The following PLA2G10 variants were observed in gnomAD, a reference collection of about 807,000 sequenced individuals.
The protein encoded by PLA2G10 is group 10 secretory phospholipase A2.
In PLA2G10, 9 loss-of-function variants were observed where a neutral mutation model predicts 7.9. The observed-to-expected ratio is 1.14, with a 90% CI of 0.68 to 1.98. PLA2G10 has a LOEUF of 1.98. Ranked by LOEUF, PLA2G10 falls within the 30% of genes most tolerant of loss-of-function variation. The probability of loss-of-function intolerance (pLI) is 0.00; values close to 1 mark genes in which losing one functional copy is unlikely to be tolerated. For missense variants in PLA2G10, 53 were observed against 65.4 expected (o/e 0.81, Z 0.66); for synonymous variants, 19 against 27.5 (o/e 0.69, Z 0.97).
chr16:14,678,729 C>T, intron 3 of PLA2G10: 1 of 401,096 alleles, frequency 2.5e-6, no homozygotes, highest in South Asian at 1.9e-5. Context: ...GAGATCACAC[C>T]ACTGCACTCC....
rs183951063 is a variant in PLA2G10 at position 14,680,308 on chromosome 16, G to A, written c.356-7559C>T. On this transcript the variant is annotated intron_variant, in intron 3 of 3. Coordinates refer to ENST00000438167, the MANE Select transcript of PLA2G10 (RefSeq NM_003561.3). The stretch of plus-strand genomic sequence containing the variant: ...AGAGACGGGGTTTCACCATGTTGGC[G>A]AGACTGATCTCGAACTCCTGACCTC... 5.9e-5 allele frequency among the ~76,000 whole-genome samples: 9 copies of A among 152,028 alleles called. No individual in the cohort carries two copies. The East Asian group carries it at 1.2e-3, about 20-fold the overall frequency.
At chr16:14,683,677 T>A (rs969301384) in intron 3 of PLA2G10, among the ~76,000 whole-genome samples, 1 of 152,150 alleles carries the variant, frequency 6.6e-6, no homozygotes, top group African/African-American at 2.4e-5. Flanking sequence ...TAACTCAAAA[T>A]GGATCAATGA....
intron 3 of PLA2G10, among the ~76,000 whole-genome samples, chr16:14,680,396 G>A (rs554566251): frequency 6.6e-6 from 1 of 151,086 alleles, no homozygotes; most frequent in Admixed American, 6.6e-5. Context: ...CACTGTGCCC[G>A]GCCTTTTTTG....
In PLA2G10 at chr16:14,685,989, C is replaced by CTT. The variant is rs147554543; in HGVS notation, c.355+2174_355+2175dup. ...CGCCCAGCCTCTTTTTTTCTTTACTCTTTTTTTTTTTTTTTTTTTTTGAGA... is the reference window on the plus strand; with the variant it reads ...CGCCCAGCCTCTTTTTTTCTTTACTCTTTTTTTTTTTTTTTTTTTTTTTGAGA... On this transcript the variant is annotated intron_variant, in intron 3 of 3. Transcript: ENST00000438167. Among the ~76,000 whole-genome samples the CTT allele has an allele frequency of 5.7e-3, 605 of 106,738 alleles. 12 individuals carry two copies. Among genetic ancestry groups the CTT allele is most frequent in the Non-Finnish European group, 7.9e-3 (428 of 53,928 alleles). 70.0% of individuals were successfully genotyped at this position (106,738 alleles called of 152,430 possible).
intron 3 of PLA2G10, among the ~76,000 whole-genome samples, chr16:14,677,556 C>A (rs748154050): frequency 6.6e-6 from 1 of 152,002 alleles, no homozygotes; most frequent in Non-Finnish European, 1.5e-5. Flanking sequence ...TAGTAGAGAC[C>A]GGGTTTTACC....
intron 3 of PLA2G10, among the ~76,000 whole-genome samples, chr16:14,674,698 TAA>T (rs535688681): frequency 7.1e-6 from 1 of 140,030 alleles, no homozygotes; most frequent in African/African-American, 2.6e-5. Context: ...AGACTCCATC[TAA>T]AAAAAAAAAG....
intron 3 of PLA2G10, among the ~76,000 whole-genome samples, chr16:14,675,699 G>A (rs1214991929): frequency 2.0e-5 from 3 of 152,018 alleles, no homozygotes; most frequent in African/African-American, 7.2e-5. Context: ...CCAGCACTTT[G>A]GGAGGCCAAG....
chr16:14,678,204 G>A (rs944867258), intron 3 of PLA2G10, among the ~76,000 whole-genome samples: 4 of 152,104 alleles, frequency 2.6e-5, no homozygotes, highest in African/African-American at 4.8e-5. Context: ...GGCTGTCCAA[G>A]GACAGAAGAG....
chr16:14,679,411 C>T (rs1431995408), intron 3 of PLA2G10, among the ~76,000 whole-genome samples: 3 of 151,984 alleles, frequency 2.0e-5, no homozygotes, highest in Admixed American at 6.6e-5. Context: ...CCTGTAATCT[C>T]GGCACTTTGG....
intron 3 of PLA2G10, among the ~76,000 whole-genome samples, chr16:14,682,024 G>A (rs780812569): frequency 1.3e-4 from 19 of 151,750 alleles, no homozygotes; most frequent in Non-Finnish European, 2.8e-4. Context: ...TGTAGAGATG[G>A]GGTCTCTCTA....
intron 3 of PLA2G10, among the ~76,000 whole-genome samples, chr16:14,680,284 G>C (rs896026169): frequency 2.0e-5 from 3 of 151,894 alleles, no homozygotes; most frequent in Non-Finnish European, 4.4e-5. Context: ...ATTTCTAGTA[G>C]AGACGGGGTT....
chr16:14,682,028 C>G (rs2151852149), intron 3 of PLA2G10, among the ~76,000 whole-genome samples: 1 of 152,032 alleles, frequency 6.6e-6, no homozygotes, highest in Non-Finnish European at 1.5e-5. Flanking sequence ...GAGATGGGGT[C>G]TCTCTATGCT....
intron 3 of PLA2G10, among the ~76,000 whole-genome samples, chr16:14,679,386 G>C (rs1960818453): frequency 6.6e-6 from 1 of 152,004 alleles, no homozygotes; most frequent in Non-Finnish European, 1.5e-5. Flanking sequence ...ATACAGGCCG[G>C]GCGTGGTGCT....
chr16:14,684,537 G>C (rs1413828097), intron 3 of PLA2G10, among the ~76,000 whole-genome samples: 1 of 151,816 alleles, frequency 6.6e-6, no homozygotes, highest in Non-Finnish European at 1.5e-5. Context: ...GTGGTGGCGG[G>C]CACCTGAAAT....
chr16:14,686,488 A>G (rs991165454), intron 3 of PLA2G10, among the ~76,000 whole-genome samples: 2 of 151,716 alleles, frequency 1.3e-5, no homozygotes, highest in East Asian at 2.0e-4. Context: ...GGAAAATGCC[A>G]TACATCAGAA....
At chr16:14,687,515 A>G (rs1378124827) in intron 3 of PLA2G10, among the ~76,000 whole-genome samples, 1 of 151,448 alleles carries the variant, frequency 6.6e-6, no homozygotes, top group Non-Finnish European at 1.5e-5. Flanking sequence ...AAATCCTTTA[A>G]CTTTTTTGTA....
intron 3 of PLA2G10, chr16:14,678,808 T>C (rs1339318730): frequency 1.2e-5 from 4 of 332,894 alleles, no homozygotes; most frequent in South Asian, 2.4e-5. Flanking sequence ...CCTCCCCTGC[T>C]CAAAACCCTC....
At chr16:14,674,803 T>C (rs1196513456) in intron 3 of PLA2G10, among the ~76,000 whole-genome samples, 4 of 151,926 alleles carry the variant, frequency 2.6e-5, no homozygotes, top group Non-Finnish European at 5.9e-5. Flanking sequence ...AATATAAAAG[T>C]AGATACATAG....
intron 3 of PLA2G10, among the ~76,000 whole-genome samples, chr16:14,674,872 C>G (rs1041763792): frequency 2.0e-5 from 3 of 152,028 alleles, no homozygotes; most frequent in Non-Finnish European, 4.4e-5. Context: ...ACTAACTGAT[C>G]TTCAACAAAG....
Sources: allele counts gnomAD v4.1 joint callset (sites outside exome capture counted in the v4.1 genomes callset), GRCh38; gene constraint gnomAD v4.1.1; transcripts MANE v1.5; gene names NCBI Gene and HGNC (gene_info 2026-07-23, HGNC 2026-07-21).